Variants in CREB3L3 observed in about 807,000 individuals in gnomAD.
CREB3L3 encodes cAMP responsive element binding protein 3 like 3, also known as cyclic AMP-responsive element-binding protein 3-like protein 3.
In CREB3L3, 40 loss-of-function variants were observed where a neutral mutation model predicts 44.6. The ratio of observed to expected loss-of-function variants is 0.90; its 90% CI spans 0.70 to 1.17. CREB3L3 has a LOEUF of 1.17. CREB3L3 is among the 50% of genes most tolerant of loss of function. The pLI, the probability that CREB3L3 is intolerant of heterozygous loss-of-function variation, is 0.00. For synonymous variants in CREB3L3, 273 were observed against 256.3 expected (o/e 1.06, Z -0.62); for missense variants, 578 against 595.8 (o/e 0.97, Z 0.31).
chr19:4,169,288 G>A (rs1033549715), intron 6 of CREB3L3, among the ~76,000 whole-genome samples: 2 of 151,626 alleles, frequency 1.3e-5, no homozygotes, highest in African/African-American at 2.4e-5. Flanking sequence ...TCAGGAGATC[G>A]AGACCACGGT....
In CREB3L3 at chr19:4,159,969, AG is replaced by A. The variant is rs1173415997; in HGVS notation, c.576+188del. Among the ~76,000 whole-genome samples, 19 of 152,236 alleles carry A rather than the reference AG, an allele frequency of 1.2e-4. No individual in the cohort carries two copies. The South Asian group carries it at 3.9e-3, about 32-fold the overall frequency. On this transcript the variant is annotated intron_variant, in intron 4 of 9. Transcript: ENST00000078445. ...CCTGGGCTGGGGTGTCTTCCTCTGT[AG>A]TACTTAGTAGTAACAATAGCAACAA...
At chr19:4,168,983 C>T (rs1327683041) in intron 6 of CREB3L3, among the ~76,000 whole-genome samples, 2 of 152,054 alleles carry the variant, frequency 1.3e-5, no homozygotes, top group African/African-American at 2.4e-5. Flanking sequence ...GATCTGGCCG[C>T]CTCAGCCTCC....
rs953819865 is a variant in CREB3L3, at chr19:4,172,857, A to G, written c.*888A>G. On this transcript the variant is annotated 3_prime_UTR_variant, in exon 10 of 10. Transcript: ENST00000078445. ...CCTGAACAGACAGACAGACGCACAC[A>G]CACAACAGATGCGCAGCAACTCCCC... The G allele has an allele frequency of 6.4e-6, 1 of 155,626 alleles. No homozygotes were observed. Among genetic ancestry groups the G allele is most frequent in the African/African-American group, 2.4e-5 (1 of 41,480 alleles). The allele number at this position is 155,626 out of a possible 1,614,324, so 9.6% of individuals were successfully genotyped here. A position where few individuals can be genotyped will look rare whatever the true frequency, so the allele number is the denominator to read the frequency against.
At position 4,170,205 on chromosome 19, in the gene CREB3L3, A is replaced by G; in HGVS notation, c.887A>G (p.Asn296Ser). ...QRKVLHLEKQ[N>S]LSLLEQLKKL... ...AAAGTCTTGCATCTCGAGAAGCAAA[A>G]CCTGTGAGTCTGGGTCCAGCTGGGG... is the stretch of plus-strand genomic sequence containing the variant. The change falls in exon 7 of 10, where the codon AAC becomes AGC. Residue 296 changes from asparagine (N) to serine (S), a missense_variant. Physicochemically the swap from Asn to Ser is conservative, Grantham distance 46. Transcript: ENST00000078445. 1 of 1,614,014 alleles carries G rather than the reference A, an allele frequency of 6.2e-7. No individual in the cohort carries two copies. The highest frequency in any genetic ancestry group is 1.1e-5 in the South Asian group (1 of 91,080).
chr19:4,162,552 C>T (rs984340481), intron 4 of CREB3L3, among the ~76,000 whole-genome samples: 13 of 131,888 alleles, frequency 9.9e-5, no homozygotes, highest in South Asian at 2.4e-4. Context: ...AGTGTGGTGG[C>T]GCACACCTGT....
At chr19:4,166,223 G>A (rs889323951) in intron 5 of CREB3L3, among the ~76,000 whole-genome samples, 35 of 151,604 alleles carry the variant, frequency 2.3e-4, no homozygotes, top group Admixed American at 1.1e-3. Context: ...CTAGCAGCTG[G>A]GACTACAGGT....
Position 4,171,064 on chromosome 19 carries a change from C to T in CREB3L3, c.891-27C>T. On this transcript the variant is annotated intron_variant, in intron 7 of 9. Coordinates refer to ENST00000078445, the MANE Select transcript of CREB3L3 (RefSeq NM_032607.3). This position sits in a 1 kb window ranked among gnomAD's most constrained non-coding sequence, Gnocchi z 4.9. ...AGCAGAACCGAGGCCCTTTAGGGCTCAGCGGAGGCCTGCCTGTCTCTCTAA... is the reference window on the plus strand; with the variant it reads ...AGCAGAACCGAGGCCCTTTAGGGCTTAGCGGAGGCCTGCCTGTCTCTCTAA... 1 of 1,591,456 alleles carries T rather than the reference C, an allele frequency of 6.3e-7. No homozygotes were observed. The highest frequency in any genetic ancestry group is 8.6e-7 in the Non-Finnish European group (1 of 1,159,338).
At chr19:4,157,571 G>A (rs113288294) in intron 3 of CREB3L3, among the ~76,000 whole-genome samples, 3 of 152,368 alleles carry the variant, frequency 2.0e-5, no homozygotes, top group South Asian at 2.1e-4. Flanking sequence ...ATGCAACCCC[G>A]GCAGGTGGCT....
intron 4 of CREB3L3, among the ~76,000 whole-genome samples, 197 bp downstream of exon 4, chr19:4,159,979 A>G (rs2041637826): frequency 6.6e-6 from 1 of 152,100 alleles, no homozygotes; most frequent in Non-Finnish European, 1.5e-5. Flanking sequence ...AGTACTTAGT[A>G]GTAACAATAG....
chr19:4,155,150 A>C, intron 2 of CREB3L3, 123 bp downstream of exon 2: 2 of 1,226,318 alleles, frequency 1.6e-6, no homozygotes, highest in Non-Finnish European at 2.3e-6. Flanking sequence ...CGATGCACTA[A>C]TGGGTCACGG....
At chr19:4,163,131 C>T (rs1233359004) in intron 4 of CREB3L3, among the ~76,000 whole-genome samples, 1 of 151,930 alleles carries the variant, frequency 6.6e-6, no homozygotes, top group African/African-American at 2.4e-5. Flanking sequence ...CACGGTGAAA[C>T]CCCGTCTCTA....
Position 4,170,175 on chromosome 19 carries a change from A to G in CREB3L3, c.857A>G (p.Gln286Arg). Residue 286 changes from glutamine (Q) to arginine (R), a missense_variant, in exon 7 of 10, where the codon CAG becomes CGG. Transcript: ENST00000078445. ...SACTAQNQEL[Q>R]RKVLHLEKQN... Reference sequence around the variant, plus strand: ...TGCACTGCTCAGAATCAGGAGTTACAGAGGAAAGTCTTGCATCTCGAGAAG... The same window carrying G: ...TGCACTGCTCAGAATCAGGAGTTACGGAGGAAAGTCTTGCATCTCGAGAAG... 2.5e-6 allele frequency: 4 copies of G among 1,614,154 alleles called. No homozygotes were observed. Among genetic ancestry groups the G allele is most frequent in the Admixed American group, 1.7e-5 (1 of 60,020 alleles).
At chr19:4,165,457 G>T (rs1296416414) in intron 5 of CREB3L3, among the ~76,000 whole-genome samples, 1 of 151,598 alleles carries the variant, frequency 6.6e-6, no homozygotes, top group African/African-American at 2.4e-5. Context: ...TTACAGGCAT[G>T]AGCCATCATG....
chr19:4,157,255 A>G lies in CREB3L3; in HGVS notation c.417A>G (p.Pro139=), dbSNP rs1174504121. Residue 139 remains proline, a synonymous_variant, in exon 3 of 10, where the codon CCA becomes CCG. Coordinates refer to ENST00000078445, the MANE Select transcript of CREB3L3 (RefSeq NM_032607.3). The stretch of plus-strand genomic sequence containing the variant: ...CTTGCTCCACCACAACCCCAGGGCC[A>G]GTGATCCAAGTACCTGAAGCCTCTG... ...GNSCSTTTPG[P]VIQVPEASVT... is the part of the protein sequence containing the mutation. The G allele has an allele frequency of 1.9e-6, 3 of 1,614,166 alleles. No homozygotes were observed. The highest frequency in any genetic ancestry group is 2.5e-6 in the Non-Finnish European group (3 of 1,180,024).
rs144502102 is a variant in CREB3L3 at position 4,164,889 on chromosome 19, A to G, written c.714+249A>G. On this transcript the variant is annotated intron_variant, in intron 5 of 9. Coordinates refer to ENST00000078445, the MANE Select transcript of CREB3L3 (RefSeq NM_032607.3). ...ACGCCCAGCTAATTTTTGTATCTTT[A>G]GTAGAGACAGGGTTTCACCATGTTG... Among the ~76,000 whole-genome samples the G allele has an allele frequency of 2.0e-4, 31 of 151,430 alleles. No homozygotes were observed. In the East Asian group the frequency reaches 6.0e-3, roughly 29 times the overall value.
In CREB3L3 at chr19:4,164,552, A is replaced by T; in HGVS notation, c.626A>T (p.His209Leu). Residue 209 changes from histidine (H) to leucine (L), a missense_variant, in exon 5 of 10, where the codon CAC becomes CTC. Transcript: ENST00000078445. Reference sequence around the variant, plus strand: ...TACCTCCTGCGACCTGGGGCTGGGCACTGTCAGGAGCTGGTGCTCACCGAG... The same window carrying T: ...TACCTCCTGCGACCTGGGGCTGGGCTCTGTCAGGAGCTGGTGCTCACCGAG... The part of the protein sequence containing the change: ...ASYLLRPGAG[H>L]CQELVLTEDE... The T allele has an allele frequency of 6.2e-7, 1 of 1,614,082 alleles. No homozygotes were observed. The highest frequency in any genetic ancestry group is 8.5e-7 in the Non-Finnish European group (1 of 1,180,020).
At chr19:4,167,023 C>T (rs1370563790) in intron 5 of CREB3L3, among the ~76,000 whole-genome samples, 3 of 152,006 alleles carry the variant, frequency 2.0e-5, no homozygotes, top group South Asian at 2.1e-4. Context: ...TGTGAACCAC[C>T]GCGCCCAGCC....
intron 4 of CREB3L3, among the ~76,000 whole-genome samples, chr19:4,162,860 C>G (rs1237393631): frequency 2.6e-5 from 4 of 152,132 alleles, no homozygotes; most frequent in Non-Finnish European, 5.9e-5. Flanking sequence ...CTCTGTGGTT[C>G]CAGCTACTCG....
chr19:4,172,249 A>T lies in CREB3L3; in HGVS notation c.*280A>T. ...CAGACACACATACAGCCTGAAACAG[A>T]CCTGGACAGACAGACACAGCCTGAA... On this transcript the variant is annotated 3_prime_UTR_variant, in exon 10 of 10. Coordinates refer to ENST00000078445, the MANE Select transcript of CREB3L3 (RefSeq NM_032607.3). 1 of 565,402 alleles carries T rather than the reference A, an allele frequency of 1.8e-6. No homozygotes were observed. The highest frequency in any genetic ancestry group is 3.2e-6 in the Non-Finnish European group (1 of 317,272). The allele number at this position is 565,402 out of a possible 1,614,324, so 35.0% of individuals were successfully genotyped here. A position where few individuals can be genotyped will look rare whatever the true frequency, so the allele number is the denominator to read the frequency against.
Sources: gnomAD v4.1 joint callset for allele counts (sites outside exome capture counted in the v4.1 genomes callset) on GRCh38, gnomAD v4.1.1 for gene constraint, Gnocchi (gnomAD v3.1) non-coding constraint, MANE v1.5 for transcripts, NCBI Gene and HGNC (gene_info 2026-07-23, HGNC 2026-07-21) for gene names.